SUN2: variants seen among roughly 807,000 people sequenced by gnomAD.
The protein encoded by SUN2 is SUN domain-containing protein 2.
In SUN2, 60 loss-of-function variants were observed where a neutral mutation model predicts 100.0. The observed-to-expected ratio is 0.60, with a 90% CI of 0.49 to 0.74. The LOEUF (loss-of-function observed/expected upper bound fraction) is 0.74, where lower values mean the gene tolerates loss of function less well. SUN2 is among the 30% of genes least tolerant of loss of function. The pLI is 0.00. For missense variants in SUN2, 834 were observed against 954.6 expected (o/e 0.87, Z 1.66); for synonymous variants, 367 against 403.3 (o/e 0.91, Z 1.08).
intron 17 of SUN2, chr22:38,736,593 TTCA>T (rs200776270): frequency 3.6e-4 from 153 of 424,706 alleles, no homozygotes; most frequent in African/African-American, 2.8e-3. Context: ...TGTAGCACAC[TTCA>T]TCTGAAACCG....
chr22:38,741,362 G>C lies in SUN2; in HGVS notation c.1146+132C>G. The C allele has an allele frequency of 1.2e-5, 11 of 936,866 alleles. No homozygotes were observed. The South Asian group carries it at 1.6e-4, about 14-fold the overall frequency. The allele number at this position is 936,866 out of a possible 1,614,324, so 58.0% of individuals were successfully genotyped here. The stretch of plus-strand genomic sequence containing the variant: ...AAGGGGTCGGGGGTCAAACAGAGAA[G>C]TCAGAGGAGGGCACTCCCCTCCCCA... On this transcript the variant is annotated intron_variant, in intron 10 of 17. Transcript: ENST00000689035.
At chr22:38,745,857 G>T (rs1569301251) in intron 7 of SUN2, 46 bp from the exon 8 acceptor site, 1 of 1,601,884 alleles carries the variant, frequency 6.2e-7, no homozygotes, top group South Asian at 1.1e-5. Context: ...CCTCCAGCAA[G>T]AGGCGCGCGC....
chr22:38,742,941 C>T (rs1286567170), intron 8 of SUN2: 1 of 176,040 alleles, frequency 5.7e-6, no homozygotes, highest in Non-Finnish European at 1.2e-5. Context: ...CCTTCCCCGC[C>T]TCCTACAGGG....
At position 38,738,832 on chromosome 22, in the gene SUN2, T is replaced by C. The variant is rs888550438; in HGVS notation, c.1779+41A>G. On this transcript the variant is annotated intron_variant, in intron 15 of 17. Coordinates refer to ENST00000689035, the MANE Select transcript of SUN2 (RefSeq NM_015374.3). The surrounding 1 kb of genome is among the most constrained non-coding windows in gnomAD (Gnocchi z 6.6). ...GACCCCAGATGGGACCAGCCCTCAG[T>C]GTGCTCAGAGCCCCCGCTGCTGTGC... is the stretch of plus-strand genomic sequence containing the variant. The C allele has an allele frequency of 2.5e-6, 4 of 1,595,744 alleles. No individual in the cohort carries two copies. The highest frequency in any genetic ancestry group is 2.6e-6 in the Non-Finnish European group (3 of 1,168,388).
At chr22:38,746,890 C>T (rs1214446227) in intron 7 of SUN2, among the ~76,000 whole-genome samples, 1 of 151,870 alleles carries the variant, frequency 6.6e-6, no homozygotes, top group Non-Finnish European at 1.5e-5. Flanking sequence ...AGAAATTAGC[C>T]AGGCGTGGTG....
intron 7 of SUN2, among the ~76,000 whole-genome samples, chr22:38,747,331 C>CAAA (rs371350765): frequency 0.011 from 1,056 of 99,272 alleles, 31 homozygotes; most frequent in African/African-American, 0.034. Flanking sequence ...AACTCCGTCT[C>CAAA]AAAAAAAAAA....
Position 38,740,231 on chromosome 22 carries a change from A to G in SUN2, c.1356+36T>C, listed in dbSNP as rs1242646089. ...GGACACGTCGTCTCAAAGGAGGAGG[A>G]GAGGGACCAGCAGGGCCCTGGTGGT... On this transcript the variant is annotated intron_variant, in intron 12 of 17. Coordinates refer to ENST00000689035, the MANE Select transcript of SUN2 (RefSeq NM_015374.3). The surrounding 1 kb of genome is among the most constrained non-coding windows in gnomAD (Gnocchi z 4.8). The G allele has an allele frequency of 1.3e-6, 2 of 1,509,884 alleles. No homozygotes were observed. The highest frequency in any genetic ancestry group is 1.3e-5 in the South Asian group (1 of 76,594). 93.5% of individuals were successfully genotyped at this position (1,509,884 alleles called of 1,614,324 possible).
At chr22:38,748,255 G>A (rs2092919099) in intron 7 of SUN2, among the ~76,000 whole-genome samples, 1 of 152,206 alleles carries the variant, frequency 6.6e-6, no homozygotes. Context: ...TGGAGGTTGT[G>A]GTGAGCTGAC....
intron 9 of SUN2, 132 bp downstream of exon 9, chr22:38,742,167 AAG>A (rs1208083816): frequency 8.4e-6 from 10 of 1,184,842 alleles, no homozygotes; most frequent in South Asian, 3.4e-5. Context: ...AAAAGAAAAA[AAG>A]AGAAAGGGAG....
intron 1 of SUN2, chr22:38,754,871 G>T: frequency 7.8e-7 from 1 of 1,289,312 alleles, no homozygotes; most frequent in Non-Finnish European, 1.0e-6. Context: ...CTTTCCTGCG[G>T]CATCCTGGCA....
Position 38,736,201 on chromosome 22 carries a change from G to A in SUN2, c.*66C>T, listed in dbSNP as rs146692436. ...AAGTCAGAGCGCCGAGCAAGCGTGT[G>A]GGGGAAGCGGCGGGGTGCTGTTCAC... is the stretch of plus-strand genomic sequence containing the variant. On this transcript the variant is annotated 3_prime_UTR_variant, in exon 18 of 18. Coordinates refer to ENST00000689035, the MANE Select transcript of SUN2 (RefSeq NM_015374.3). 1,033 of 1,454,652 alleles carry A rather than the reference G, an allele frequency of 7.1e-4. 1 individual carries two copies. Among genetic ancestry groups the A allele is most frequent in the Non-Finnish European group, 8.6e-4 (893 of 1,039,344 alleles). 90.1% of individuals were successfully genotyped at this position (1,454,652 alleles called of 1,614,324 possible).
At chr22:38,753,222 T>TC in intron 1 of SUN2, among the ~76,000 whole-genome samples, 2 of 144,614 alleles carry the variant, frequency 1.4e-5, no homozygotes, top group South Asian at 2.3e-4. Context: ...TTTTTTTTTT[T>TC]TTTTTTTTTT....
rs2092981510 is a variant in SUN2 at position 38,755,853 on chromosome 22, G to A, written c.-128C>T. Reference sequence around the variant, plus strand: ...CCCCTTTCCGCGTGGGGATCCCGCGGGCGGCGCTCCGCTCAGGGCGACACA... The same window carrying A: ...CCCCTTTCCGCGTGGGGATCCCGCGAGCGGCGCTCCGCTCAGGGCGACACA... On this transcript the variant is annotated 5_prime_UTR_variant, in exon 1 of 18. Transcript: ENST00000689035. The surrounding 1 kb of genome is among the most constrained non-coding windows in gnomAD (Gnocchi z 5.7). The A allele has an allele frequency of 1.0e-6, 1 of 982,612 alleles. No homozygotes were observed. Among genetic ancestry groups the A allele is most frequent in the Admixed American group, 6.2e-5 (1 of 16,026 alleles). 60.9% of individuals were successfully genotyped at this position (982,612 alleles called of 1,614,324 possible). A position where few individuals can be genotyped will look rare whatever the true frequency, so the allele number is the denominator to read the frequency against.
In SUN2 at chr22:38,738,125, T is replaced by A; in HGVS notation, c.2040+48A>T. On this transcript the variant is annotated intron_variant, in intron 17 of 17. Coordinates refer to ENST00000689035, the MANE Select transcript of SUN2 (RefSeq NM_015374.3). The surrounding 1 kb of genome is among the most constrained non-coding windows in gnomAD (Gnocchi z 6.6). ...AAGTGCCCAGGGAGCACCTGCTGCC[T>A]GGATGGGGAGTCTGCGCCACTTCTG... 6.4e-7 allele frequency: 1 copy of A among 1,566,100 alleles called. No individual in the cohort carries two copies. Among genetic ancestry groups the A allele is most frequent in the Non-Finnish European group, 8.8e-7 (1 of 1,136,528 alleles).
Position 38,738,733 on chromosome 22 carries a change from A to T in SUN2, c.1801T>A (p.Cys601Ser). The part of the protein sequence containing the change: ...ILQPDVHPGN[C>S]WAFQGPQGFA... Reference sequence around the variant, plus strand: ...CCTTGTGGCCCCTGGAAGGCCCAGCAGTTGCCTGGGTGCACATCTGGCTGG... The same window carrying T: ...CCTTGTGGCCCCTGGAAGGCCCAGCTGTTGCCTGGGTGCACATCTGGCTGG... The change falls in exon 16 of 18, where the codon TGC becomes AGC. Residue 601 changes from cysteine to serine, a missense_variant. By Grantham distance (112) the Cys-to-Ser change is moderately radical. This residue lies in a region of SUN2 where 195 missense variants were observed against 280.2 expected (regional missense o/e 0.70). Transcript: ENST00000689035. This position sits in a 1 kb window ranked among gnomAD's most constrained non-coding sequence, Gnocchi z 6.6. 6.2e-7 allele frequency: 1 copy of T among 1,613,592 alleles called. No homozygotes were observed.
chr22:38,746,754 G>A (rs978955451), intron 7 of SUN2, among the ~76,000 whole-genome samples: 28 of 152,230 alleles, frequency 1.8e-4, no homozygotes, highest in East Asian at 5.8e-4. Context: ...TGACTGGGCC[G>A]GGCGCGGTGG....
At chr22:38,744,613 T>C (rs1284049544) in intron 8 of SUN2, among the ~76,000 whole-genome samples, 1 of 152,210 alleles carries the variant, frequency 6.6e-6, no homozygotes, top group African/African-American at 2.4e-5. Context: ...AAAAATGTAA[T>C]ACCAAGTTAA....
chr22:38,754,942 T>C, intron 1 of SUN2: 1 of 1,289,130 alleles, frequency 7.8e-7, no homozygotes, highest in Non-Finnish European at 1.0e-6. Context: ...GAGGCCCCAT[T>C]CTCCAAAACA....
At chr22:38,752,787 G>A in intron 1 of SUN2, 122 bp from the exon 2 acceptor site, 2 of 1,159,964 alleles carry the variant, frequency 1.7e-6, no homozygotes, top group South Asian at 1.6e-5. Context: ...CCGGCCCCCG[G>A]CCCCCGGCGT....
Sources: gnomAD v4.1 joint callset for allele counts (sites outside exome capture counted in the v4.1 genomes callset) on GRCh38, gnomAD v4.1.1 for gene constraint, gnomAD v4.1.1 regional missense constraint, Gnocchi (gnomAD v3.1) non-coding constraint, MANE v1.5 for transcripts, NCBI Gene and HGNC (gene_info 2026-07-23, HGNC 2026-07-21) for gene names.